Variants in VEZT observed in about 807,000 individuals in gnomAD.
The protein encoded by VEZT is vezatin, adherens junctions transmembrane protein.
A neutral mutation model predicts 79.9 loss-of-function variants in VEZT; 39 were observed. The ratio of observed to expected loss-of-function variants is 0.49; its 90% CI spans 0.38 to 0.64. VEZT has a LOEUF of 0.64. Ranked by LOEUF, VEZT falls within the 30% of genes least tolerant of loss-of-function variation. The probability of loss-of-function intolerance (pLI) is 0.00; values close to 1 mark genes in which losing one functional copy is unlikely to be tolerated. For synonymous variants in VEZT, 325 were observed against 327.6 expected, an observed-to-expected ratio of 0.99 and a Z score of 0.09; for missense variants, 837 against 893.1, an observed-to-expected ratio of 0.94 and a Z score of 0.80.
In VEZT at chr12:95,266,244, G is replaced by A. The variant is rs2065510475; in HGVS notation, c.435-113G>A. On this transcript the variant is annotated intron_variant, in intron 4 of 11. Coordinates refer to ENST00000436874, the MANE Select transcript of VEZT (RefSeq NM_017599.4). ...TAAGTTATGCTTTACAAAGAAGCTA[G>A]CATTTTATTTATTTAGTAAACCTAA... is the stretch of plus-strand genomic sequence containing the variant. 7 of 1,180,114 alleles carry A rather than the reference G, an allele frequency of 5.9e-6. No individual in the cohort carries two copies. The South Asian group carries it at 9.9e-5, about 17-fold the overall frequency. 73.1% of individuals were successfully genotyped at this position (1,180,114 alleles called of 1,614,324 possible). A position where few individuals can be genotyped will look rare whatever the true frequency, so the allele number is the denominator to read the frequency against.
chr12:95,280,298 G>C (rs930047530), intron 7 of VEZT, among the ~76,000 whole-genome samples: 2 of 152,008 alleles, frequency 1.3e-5, no homozygotes, highest in African/African-American at 4.8e-5. Flanking sequence ...TCTACCCTGT[G>C]TGCTCCCACA....
At position 95,282,550 on chromosome 12, in the gene VEZT, T is replaced by C; in HGVS notation, c.1234T>C (p.Cys412Arg). The C allele has an allele frequency of 6.2e-7, 1 of 1,614,032 alleles. No individual in the cohort carries two copies. The change falls in exon 8 of 12, where the codon TGT (cysteine) becomes CGT (arginine). Residue 412 changes from cysteine (C) to arginine (R), a missense_variant. Transcript: ENST00000436874. Reference sequence around the variant, plus strand: ...AACTCAGCACCAGTCAGTACCGCAGTGTTTATCCAAAACTCAACAGAAGTC... The same window carrying C: ...AACTCAGCACCAGTCAGTACCGCAGCGTTTATCCAAAACTCAACAGAAGTC... ...FETQHQSVPQ[C>R]LSKTQQKSRE...
chr12:95,254,756 G>A (rs955425755), intron 2 of VEZT, among the ~76,000 whole-genome samples: 6 of 152,192 alleles, frequency 3.9e-5, no homozygotes, highest in Admixed American at 3.3e-4. Context: ...TTCAAGGAAT[G>A]AAGTATCAAT....
chr12:95,221,245 G>T (rs2057531953), intron 1 of VEZT, among the ~76,000 whole-genome samples: 1 of 152,180 alleles, frequency 6.6e-6, no homozygotes, highest in African/African-American at 2.4e-5. Flanking sequence ...TAGAGATGCA[G>T]TTGGCCCTCC....
chr12:95,280,586 AAC>A (rs1473132650), intron 7 of VEZT, among the ~76,000 whole-genome samples: 1 of 151,436 alleles, frequency 6.6e-6, no homozygotes, highest in Non-Finnish European at 1.5e-5. Context: ...TTTTCCCATC[AAC>A]CAAGAAACAC....
chr12:95,268,992 G>C (rs1243861199), intron 5 of VEZT, among the ~76,000 whole-genome samples: 1 of 152,136 alleles, frequency 6.6e-6, no homozygotes, highest in Non-Finnish European at 1.5e-5. Flanking sequence ...ACATAAGCCT[G>C]TCAGTCATCA....
At chr12:95,250,060 C>CTT (rs5800196) in intron 1 of VEZT, among the ~76,000 whole-genome samples, 94 of 143,114 alleles carry the variant, frequency 6.6e-4, no homozygotes, top group Middle Eastern at 3.7e-3. Context: ...TAATTATAGT[C>CTT]TTTTTTTTTT....
intron 6 of VEZT, among the ~76,000 whole-genome samples, chr12:95,270,937 A>G (rs535267427): frequency 2.6e-5 from 4 of 152,356 alleles, no homozygotes; most frequent in African/African-American, 9.6e-5. Flanking sequence ...TAAAAAGACA[A>G]CTTTGCCACT....
At chr12:95,273,151 A>G (rs968005160) in intron 6 of VEZT, among the ~76,000 whole-genome samples, 24 of 152,348 alleles carry the variant, frequency 1.6e-4, no homozygotes, top group Middle Eastern at 6.8e-3. Context: ...CCTGGTTTAT[A>G]TGTAGACAAT....
Position 95,274,749 on chromosome 12 carries a change from C to T in VEZT, c.856C>T (p.Leu286=). ...GCCTTAACCTAATTTAACCTACCCC[C>T]TGAACTCTGAGAGTGACAATGTAAC... ...ATLYMLKNYP[L]NSESDNVTNY... The change falls in exon 7 of 12, where the codon CTG becomes TTG. Residue 286 remains leucine, a synonymous_variant. Transcript: ENST00000436874. 1 of 1,611,856 alleles carries T rather than the reference C, an allele frequency of 6.2e-7. No homozygotes were observed. The highest frequency in any genetic ancestry group is 8.5e-7 in the Non-Finnish European group (1 of 1,179,120).
At chr12:95,278,126 C>G (rs2068171767) in intron 7 of VEZT, among the ~76,000 whole-genome samples, 1 of 152,192 alleles carries the variant, frequency 6.6e-6, no homozygotes, top group Admixed American at 6.5e-5. Context: ...GGGATAATTG[C>G]AATGCTTGCC....
chr12:95,285,746 G>T (rs892983456), intron 8 of VEZT, among the ~76,000 whole-genome samples: 5 of 151,982 alleles, frequency 3.3e-5, no homozygotes, highest in Non-Finnish European at 5.9e-5. Flanking sequence ...AAATAAAATG[G>T]TAGTTCTAAT....
chr12:95,264,959 T>C (rs1376995598), intron 4 of VEZT, among the ~76,000 whole-genome samples: 2 of 147,058 alleles, frequency 1.4e-5, no homozygotes, highest in African/African-American at 5.0e-5. Flanking sequence ...TGCAGCCTGC[T>C]CAAGTGATCC....
At chr12:95,238,606 C>T (rs958926126) in intron 1 of VEZT, among the ~76,000 whole-genome samples, 3 of 152,182 alleles carry the variant, frequency 2.0e-5, no homozygotes, top group Non-Finnish European at 2.9e-5. Context: ...GACCTCCAGA[C>T]ATTTTAGGTC....
At chr12:95,231,131 A>G (rs2059219527) in intron 1 of VEZT, among the ~76,000 whole-genome samples, 1 of 152,246 alleles carries the variant, frequency 6.6e-6, no homozygotes, top group African/African-American at 2.4e-5. Flanking sequence ...ATCATTGGAT[A>G]GGATTTCAGC....
intron 1 of VEZT, among the ~76,000 whole-genome samples, chr12:95,230,380 A>G (rs1018988955): frequency 1.3e-5 from 2 of 150,970 alleles, no homozygotes; most frequent in South Asian, 2.1e-4. Flanking sequence ...TCTCATTAAG[A>G]TCTTTATTAA....
At chr12:95,244,954 C>T (rs1340756999) in intron 1 of VEZT, among the ~76,000 whole-genome samples, 2 of 151,960 alleles carry the variant, frequency 1.3e-5, no homozygotes, top group Non-Finnish European at 2.9e-5. Flanking sequence ...CACTTTTGGC[C>T]AGGCAAGGTG....
At chr12:95,268,841 A>C (rs906397030) in intron 5 of VEZT, among the ~76,000 whole-genome samples, 1 of 152,220 alleles carries the variant, frequency 6.6e-6, no homozygotes, top group Non-Finnish European at 1.5e-5. Flanking sequence ...AAAATTAGAC[A>C]GTTTTTAAAA....
At position 95,300,336 on chromosome 12, in the gene VEZT, C is replaced by T. The variant is rs1234256586; in HGVS notation, c.2003C>T (p.Ser668Phe). ...ISRTEYLCEN[S>F]LEGKNKDNSS... is the part of the protein sequence containing the mutation. Reference sequence around the variant, plus strand: ...AGGACTGAGTATTTATGTGAAAACTCTCTAGAAGGTAAAAATAAAGATAAT... The same window carrying T: ...AGGACTGAGTATTTATGTGAAAACTTTCTAGAAGGTAAAAATAAAGATAAT... Residue 668 changes from serine to phenylalanine, a missense_variant, in exon 12 of 12, where the codon TCT (serine) becomes TTT (phenylalanine). Physicochemically the swap from Ser to Phe is radical, Grantham distance 155. Coordinates refer to ENST00000436874, the MANE Select transcript of VEZT (RefSeq NM_017599.4). 4.8e-5 allele frequency: 78 copies of T among 1,611,406 alleles called. No homozygotes were observed. Among genetic ancestry groups the T allele is most frequent in the Non-Finnish European group, 6.4e-5 (76 of 1,178,738 alleles).
Sources: allele counts gnomAD v4.1 joint callset (sites outside exome capture counted in the v4.1 genomes callset), GRCh38; gene constraint gnomAD v4.1.1; transcripts MANE v1.5; gene names NCBI Gene and HGNC (gene_info 2026-07-23, HGNC 2026-07-21).